The following ANKRD31 variants were observed in gnomAD, a reference collection of about 807,000 sequenced individuals.
ANKRD31 encodes the protein ankyrin repeat domain-containing protein 31.
A neutral mutation model predicts 186.0 loss-of-function variants in ANKRD31; 147 were observed. That is an observed-to-expected ratio of 0.79 (90% CI 0.69 to 0.91). ANKRD31 has a LOEUF of 0.91. Ranked by LOEUF, ANKRD31 falls within the 40% of genes least tolerant of loss-of-function variation. ANKRD31 has a pLI of 0.00. For missense variants in ANKRD31, 1,986 were observed against 2,148.8 expected (o/e 0.92, Z 1.50); for synonymous variants, 673 against 736.4 (o/e 0.91, Z 1.39).
chr5:75,212,012 T>A (rs1756680973), intron 3 of ANKRD31, among the ~76,000 whole-genome samples: 1 of 152,196 alleles, frequency 6.6e-6, no homozygotes, highest in African/African-American at 2.4e-5. Context: ...TTTTCTTTTG[T>A]TGCCTGTGCT....
chr5:75,152,572 G>A (rs1440783689), intron 12 of ANKRD31, among the ~76,000 whole-genome samples: 1 of 151,960 alleles, frequency 6.6e-6, no homozygotes, highest in Non-Finnish European at 1.5e-5. Flanking sequence ...TGGGAATGAA[G>A]CACATATGGA....
chr5:75,136,607 G>T, intron 17 of ANKRD31, among the ~76,000 whole-genome samples: 1 of 152,298 alleles, frequency 6.6e-6, no homozygotes, highest in East Asian at 1.9e-4. Flanking sequence ...ACAGTGTGGC[G>T]ATTCCTCAAG....
At chr5:75,218,409 C>T (rs1757089842) in intron 3 of ANKRD31, among the ~76,000 whole-genome samples, 1 of 152,110 alleles carries the variant, frequency 6.6e-6, no homozygotes, top group African/African-American at 2.4e-5. Context: ...AAATTGAATA[C>T]TTAAACAGAC....
chr5:75,123,231 T>C (rs1324914648), intron 17 of ANKRD31, among the ~76,000 whole-genome samples: 1 of 151,610 alleles, frequency 6.6e-6, no homozygotes, highest in Non-Finnish European at 1.5e-5. Flanking sequence ...TACCTAGGAA[T>C]ATAGTTAACC....
chr5:75,083,774 A>C (rs1389636040), intron 24 of ANKRD31, among the ~76,000 whole-genome samples: 1 of 152,138 alleles, frequency 6.6e-6, no homozygotes, highest in Non-Finnish European at 1.5e-5. Flanking sequence ...AATGCCCATC[A>C]AAGGATGAGT....
rs531907288 is a variant in ANKRD31, at chr5:75,122,227, A to T, written c.3877-3930T>A. Among the ~76,000 whole-genome samples, 52 of 152,082 alleles carry T rather than the reference A, an allele frequency of 3.4e-4. 1 individual carries two copies. Among genetic ancestry groups the T allele is most frequent in the African/African-American group, 1.1e-3 (44 of 41,520 alleles). On this transcript the variant is annotated intron_variant, in intron 17 of 25. Coordinates refer to ENST00000506364, the MANE Select transcript of ANKRD31 (RefSeq NM_001372053.1). The stretch of plus-strand genomic sequence containing the variant: ...AATGGATAAATTCCTGGAAACATAA[A>T]ACCTCGAAAGACTGAACCTTGAAGA...
Position 75,189,841 on chromosome 5 carries a change from T to C in ANKRD31, c.1409-1193A>G, listed in dbSNP as rs1394968221. Reference sequence around the variant, plus strand: ...TGTTGTCAAATGCTTTCTATGCATTTATTGAGATGATCATATGGTTCCTCT... The same window carrying C: ...TGTTGTCAAATGCTTTCTATGCATTCATTGAGATGATCATATGGTTCCTCT... On this transcript the variant is annotated intron_variant, in intron 9 of 25. Coordinates refer to ENST00000506364, the MANE Select transcript of ANKRD31 (RefSeq NM_001372053.1). 2.6e-5 allele frequency among the ~76,000 whole-genome samples: 4 copies of C among 152,292 alleles called. 1 individual carries two copies. In the East Asian group the frequency reaches 7.7e-4, roughly 29 times the overall value.
At chr5:75,124,104 C>A (rs2150094943) in intron 17 of ANKRD31, among the ~76,000 whole-genome samples, 1 of 152,016 alleles carries the variant, frequency 6.6e-6, no homozygotes, top group South Asian at 2.1e-4. Flanking sequence ...CAACAAATAG[C>A]CCCATTAAAA....
chr5:75,169,030 T>A lies in ANKRD31; in HGVS notation c.1656A>T (p.Gly552=), dbSNP rs1753128636. The change falls in exon 11 of 26, where the codon GGA becomes GGT. Residue 552 remains glycine (G), a synonymous_variant. Coordinates refer to ENST00000506364, the MANE Select transcript of ANKRD31 (RefSeq NM_001372053.1). ...LKGGADVNIK[G]LYQITPLHDA... ...CATGTAGGGGAGTAATCTGGTATAA[T>A]CCTTTGATATTTACATCTGCTCCAC... 6.5e-7 allele frequency: 1 copy of A among 1,536,570 alleles called. No homozygotes were observed. Among genetic ancestry groups the A allele is most frequent in the African/African-American group, 1.4e-5 (1 of 73,016 alleles).
chr5:75,178,313 T>C (rs533214941), intron 10 of ANKRD31, among the ~76,000 whole-genome samples: 1 of 152,154 alleles, frequency 6.6e-6, no homozygotes. Flanking sequence ...CTGTCAACAT[T>C]AGACAGATCA....
chr5:75,148,433 A>G, intron 13 of ANKRD31, 143 bp downstream of exon 13: 1 of 543,818 alleles, frequency 1.8e-6, no homozygotes, highest in East Asian at 3.2e-5. Flanking sequence ...TCTGATTCTC[A>G]TGCAATTATT....
chr5:75,227,252 T>C (rs1426350888), intron 2 of ANKRD31, among the ~76,000 whole-genome samples: 1 of 151,604 alleles, frequency 6.6e-6, no homozygotes, highest in South Asian at 2.1e-4. Flanking sequence ...AGATAAGGAG[T>C]AGAAGGATGG....
chr5:75,165,367 G>A (rs1447456187), intron 11 of ANKRD31, among the ~76,000 whole-genome samples: 1 of 151,990 alleles, frequency 6.6e-6, no homozygotes, highest in Non-Finnish European at 1.5e-5. Flanking sequence ...AGTAATACTG[G>A]CATTGTTAGT....
chr5:75,182,902 A>AACAAG (rs1754429822), intron 10 of ANKRD31, among the ~76,000 whole-genome samples: 1 of 152,190 alleles, frequency 6.6e-6, no homozygotes, highest in African/African-American at 2.4e-5. Flanking sequence ...TCCCAAAGAA[A>AACAAG]ACAAGATACA....
At chr5:75,170,309 T>C (rs1753223758) in intron 10 of ANKRD31, among the ~76,000 whole-genome samples, 1 of 152,088 alleles carries the variant, frequency 6.6e-6, no homozygotes, top group East Asian at 1.9e-4. Flanking sequence ...TATGAAAAAA[T>C]ACTGCAAAGA....
At chr5:75,199,162 C>T (rs184223071) in intron 6 of ANKRD31, among the ~76,000 whole-genome samples, 154 of 152,186 alleles carry the variant, frequency 1.0e-3, no homozygotes, top group African/African-American at 3.1e-3. Flanking sequence ...GAGTTATGAT[C>T]GCACAACTGT....
intron 4 of ANKRD31, among the ~76,000 whole-genome samples, chr5:75,208,347 C>G (rs1402331069): frequency 6.6e-6 from 1 of 152,048 alleles, no homozygotes; most frequent in Non-Finnish European, 1.5e-5. Context: ...GCTGCGTACT[C>G]TGAATTAAAG....
At chr5:75,191,678 G>C (rs959469160) in intron 9 of ANKRD31, among the ~76,000 whole-genome samples, 2 of 152,000 alleles carry the variant, frequency 1.3e-5, no homozygotes, top group Non-Finnish European at 2.9e-5. Flanking sequence ...TTCTAGTCAA[G>C]AACAAGGTTC....
intron 11 of ANKRD31, among the ~76,000 whole-genome samples, chr5:75,155,586 G>A (rs1752112213): frequency 6.6e-6 from 1 of 152,108 alleles, no homozygotes; most frequent in Non-Finnish European, 1.5e-5. Flanking sequence ...ATACTAAAAA[G>A]TATTGTTTAG....
Sources: allele counts gnomAD v4.1 joint callset (sites outside exome capture counted in the v4.1 genomes callset), GRCh38; gene constraint gnomAD v4.1.1; transcripts MANE v1.5; gene names NCBI Gene and HGNC (gene_info 2026-07-23, HGNC 2026-07-21).